NEMP2: variants seen among roughly 807,000 people sequenced by gnomAD.
NEMP2 encodes UPF0571 transmembrane protein.
A neutral mutation model predicts 54.2 loss-of-function variants in NEMP2; 53 were observed. The ratio of observed to expected loss-of-function variants is 0.98; its 90% confidence interval spans 0.78 to 1.23. The LOEUF is 1.23. Ranked by LOEUF, NEMP2 falls within the 50% of genes most tolerant of loss-of-function variation. The pLI, the probability that NEMP2 is intolerant of heterozygous loss-of-function variation, is 0.00. For synonymous variants in NEMP2, 197 were observed against 190.3 expected, an observed-to-expected ratio of 1.04 and a Z score of -0.29; for missense variants, 455 against 511.3, an observed-to-expected ratio of 0.89 and a Z score of 1.06.
At chr2:190,613,302 T>C in the NEMP2 span, among the ~76,000 whole-genome samples, 6 of 152,200 alleles carry the variant, frequency 3.9e-5, no homozygotes, top group Non-Finnish European at 1.5e-5. Context: ...TAATTCAAGA[T>C]GTAGCTATCT....
At position 190,509,492 on chromosome 2, in the gene NEMP2, C is replaced by T. The variant is rs951521967; in HGVS notation, c.1131-180G>A. 1.3e-5 allele frequency among the ~76,000 whole-genome samples: 2 copies of T among 152,132 alleles called. No homozygotes were observed. The highest frequency in any genetic ancestry group is 6.5e-5 in the Admixed American group (1 of 15,274). On this transcript the variant is annotated intron_variant, in intron 8 of 8. Coordinates refer to ENST00000409150, the MANE Select transcript of NEMP2 (RefSeq NM_001142645.2). This position sits in a 1 kb window ranked among gnomAD's most constrained non-coding sequence, Gnocchi z 6.1. ...GCTTATGTGATCCCTCTAAAAACAG[C>T]TATTCATGGAAAGGGCAGAGAATTA...
At chr2:190,422,463 A>G in the NEMP2 span, among the ~76,000 whole-genome samples, 4 of 150,874 alleles carry the variant, frequency 2.7e-5, no homozygotes, top group Non-Finnish European at 4.4e-5. Flanking sequence ...GGTACATAAG[A>G]GATAAATTTT....
rs1444994293 is a variant in NEMP2 at position 190,521,717 on chromosome 2, T to C, written c.214-2534A>G. Reference sequence around the variant, plus strand: ...AAGGTCACTGGTGCTTCCATGTTGCTAACTCAAATGCCCAATTAATTCTCA... The same window carrying C: ...AAGGTCACTGGTGCTTCCATGTTGCCAACTCAAATGCCCAATTAATTCTCA... On this transcript the variant is annotated intron_variant, in intron 2 of 8. Coordinates refer to ENST00000409150, the MANE Select transcript of NEMP2 (RefSeq NM_001142645.2). The surrounding 1 kb of genome is among the most constrained non-coding windows in gnomAD (Gnocchi z 6.2). Among the ~76,000 whole-genome samples, 2 of 152,252 alleles carry C rather than the reference T, an allele frequency of 1.3e-5. No individual in the cohort carries two copies. The highest frequency in any genetic ancestry group is 2.4e-5 in the African/African-American group (1 of 41,464).
chr2:190,514,505 TGAG>T lies in NEMP2; in HGVS notation c.898_900del (p.Leu300del), dbSNP rs1313097106. The T allele has an allele frequency of 1.6e-5, 25 of 1,551,492 alleles. No homozygotes were observed. The highest frequency in any genetic ancestry group is 2.2e-5 in the Non-Finnish European group (25 of 1,146,998). On this transcript the variant is annotated inframe_deletion, in exon 7 of 9. Coordinates refer to ENST00000409150, the MANE Select transcript of NEMP2 (RefSeq NM_001142645.2). This position sits in a 1 kb window ranked among gnomAD's most constrained non-coding sequence, Gnocchi z 5.7. ...GGGTAGTGCAGACTCCAGGAGGACA[TGAG>T]GAGGATTATGGCTGCATAGGCAAAC...
chr2:190,582,962 T>C, the NEMP2 span, among the ~76,000 whole-genome samples: 1 of 152,216 alleles, frequency 6.6e-6, no homozygotes, highest in Non-Finnish European at 1.5e-5. This position sits in a 1 kb window ranked among gnomAD's most constrained non-coding sequence, Gnocchi z 4.6. Flanking sequence ...TCAGCAAGCT[T>C]GTTATTTAAT....
the NEMP2 span, among the ~76,000 whole-genome samples, chr2:190,615,457 G>T: frequency 6.6e-6 from 1 of 152,162 alleles, no homozygotes; most frequent in Non-Finnish European, 1.5e-5. This position sits in a 1 kb window ranked among gnomAD's most constrained non-coding sequence, Gnocchi z 4.7. Context: ...ACATGTGAAG[G>T]GCACGGAGCT....
At chr2:190,581,035 T>C in the NEMP2 span, among the ~76,000 whole-genome samples, 14 of 152,242 alleles carry the variant, frequency 9.2e-5, no homozygotes. Flanking sequence ...TATTTTAAAC[T>C]ATACTAAGAA....
the NEMP2 span, among the ~76,000 whole-genome samples, chr2:190,453,562 T>C: frequency 1.3e-5 from 2 of 152,236 alleles, no homozygotes; most frequent in Non-Finnish European, 2.9e-5. Context: ...AGCAGTGCCA[T>C]AGAGCAGGAC....
Position 190,533,058 on chromosome 2 carries a change from C to T in NEMP2, c.97+1501G>A, listed in dbSNP as rs1691208121. ...GTTACTATTATACTAAATGCGGTAA[C>T]ATAAAAACTTTAAAAACACCAGGTT... On this transcript the variant is annotated intron_variant, in intron 1 of 8. Transcript: ENST00000409150. The surrounding 1 kb of genome is among the most constrained non-coding windows in gnomAD (Gnocchi z 4.3). Among the ~76,000 whole-genome samples, 1 of 152,146 alleles carries T rather than the reference C, an allele frequency of 6.6e-6. No individual in the cohort carries two copies. Among genetic ancestry groups the T allele is most frequent in the African/African-American group, 2.4e-5 (1 of 41,418 alleles).
rs1470657749 is a variant in NEMP2, at chr2:190,522,596, A to C, written c.213+2667T>G. ...GGCTATGCCAGGAAGCAGGGGTTGG[A>C]CATGCCCCATTATGCCCTCCTCCCT... On this transcript the variant is annotated intron_variant, in intron 2 of 8. Coordinates refer to ENST00000409150, the MANE Select transcript of NEMP2 (RefSeq NM_001142645.2). The surrounding 1 kb of genome is among the most constrained non-coding windows in gnomAD (Gnocchi z 5.0). Among the ~76,000 whole-genome samples the C allele has an allele frequency of 6.6e-6, 1 of 152,218 alleles. No homozygotes were observed. Among genetic ancestry groups the C allele is most frequent in the Non-Finnish European group, 1.5e-5 (1 of 68,044 alleles).
At chr2:190,582,810 C>T in the NEMP2 span, among the ~76,000 whole-genome samples, 109 of 152,274 alleles carry the variant, frequency 7.2e-4, no homozygotes, top group Non-Finnish European at 3.2e-4. This position sits in a 1 kb window ranked among gnomAD's most constrained non-coding sequence, Gnocchi z 4.6. Context: ...GGAGCTTTAT[C>T]GATCATATGA....
chr2:190,486,532 A>G, the NEMP2 span, among the ~76,000 whole-genome samples: 1 of 152,176 alleles, frequency 6.6e-6, no homozygotes, highest in Non-Finnish European at 1.5e-5. Flanking sequence ...ATCAGTCAGT[A>G]AACTAAAGCT....
rs1200518617 is a variant in NEMP2, at chr2:190,505,781, T to C, written c.*3408A>G. ...ATAATGAAGATTAGAAAAACAGCAG[T>C]CACAGAGAGGAAAAAGTTGGCAGGA... On this transcript the variant is annotated 3_prime_UTR_variant, in exon 9 of 9. Coordinates refer to ENST00000409150, the MANE Select transcript of NEMP2 (RefSeq NM_001142645.2). The surrounding 1 kb of genome is among the most constrained non-coding windows in gnomAD (Gnocchi z 5.8). 1 of 152,196 alleles carries C rather than the reference T, an allele frequency of 6.6e-6. No individual in the cohort carries two copies. The highest frequency in any genetic ancestry group is 2.4e-5 in the African/African-American group (1 of 41,430). 9.4% of individuals were successfully genotyped at this position (152,196 alleles called of 1,614,324 possible). A position where few individuals can be genotyped will look rare whatever the true frequency, so the allele number is the denominator to read the frequency against.
the NEMP2 span, among the ~76,000 whole-genome samples, chr2:190,619,464 T>A: frequency 6.6e-6 from 1 of 151,680 alleles, no homozygotes; most frequent in Non-Finnish European, 1.5e-5. This position sits in a 1 kb window ranked among gnomAD's most constrained non-coding sequence, Gnocchi z 5.5. Context: ...TGCATCAGTG[T>A]GCCCCAGCCT....
chr2:190,469,679 T>C, the NEMP2 span: 16 of 773,364 alleles, frequency 2.1e-5, no homozygotes, highest in Non-Finnish European at 2.9e-5. This position sits in a 1 kb window ranked among gnomAD's most constrained non-coding sequence, Gnocchi z 5.3. Context: ...TTTGTACACA[T>C]ATTAGATTGT....
Position 190,509,067 on chromosome 2 carries a change from G to GT in NEMP2, c.*121dup. 2.8e-6 allele frequency: 4 copies of GT among 1,420,368 alleles called. No individual in the cohort carries two copies. Among genetic ancestry groups the GT allele is most frequent in the Non-Finnish European group, 3.7e-6 (4 of 1,072,310 alleles). The allele number at this position is 1,420,368 out of a possible 1,614,324, so 88.0% of individuals were successfully genotyped here. A position where few individuals can be genotyped will look rare whatever the true frequency, so the allele number is the denominator to read the frequency against. ...TTGGTTTCCCTTTCCAGACTGACTT[G>GT]TTTTTCTCCACAGCAAATGTTTTTG... On this transcript the variant is annotated 3_prime_UTR_variant, in exon 9 of 9. Transcript: ENST00000409150. This position sits in a 1 kb window ranked among gnomAD's most constrained non-coding sequence, Gnocchi z 6.1.
At chr2:190,534,485 C>T in intron 1 of NEMP2, 74 bp downstream of exon 1, 1 of 1,298,026 alleles carries the variant, frequency 7.7e-7, no homozygotes, top group Non-Finnish European at 9.7e-7. Context: ...GGCCAAAGAG[C>T]GCGCCCTCAG....
At chr2:190,511,166 G>GT (rs1250044666) in intron 7 of NEMP2, among the ~76,000 whole-genome samples, 3 of 151,900 alleles carry the variant, frequency 2.0e-5, no homozygotes, top group African/African-American at 7.3e-5. Context: ...GTTTTGTTTT[G>GT]TTTTTTTATG....
intron 1 of NEMP2, among the ~76,000 whole-genome samples, chr2:190,526,777 G>A (rs1690953228): frequency 6.6e-6 from 1 of 152,100 alleles, no homozygotes; most frequent in African/African-American, 2.4e-5. Flanking sequence ...TCATTGGTGG[G>A]ATTCTGTGAA....
Sources: gnomAD v4.1 joint callset for allele counts (sites outside exome capture counted in the v4.1 genomes callset) on GRCh38, gnomAD v4.1.1 for gene constraint, Gnocchi (gnomAD v3.1) non-coding constraint, MANE v1.5 for transcripts, NCBI Gene and HGNC (gene_info 2026-07-23, HGNC 2026-07-21) for gene names.